Variants in CNTNAP2 observed in about 807,000 individuals in gnomAD.
The protein encoded by CNTNAP2 is contactin-associated protein-like 2.
Under a neutral mutation model 155.2 loss-of-function variants are expected in CNTNAP2, and 98 were observed. That is an observed-to-expected ratio of 0.63 (90% CI 0.54 to 0.75). CNTNAP2 has a LOEUF of 0.75. Among genes scored for constraint, CNTNAP2 ranks in the 30% least tolerant of loss-of-function variants. CNTNAP2 has a pLI of 0.00. For synonymous variants in CNTNAP2, 651 were observed against 631.2 expected (o/e 1.03, Z -0.47); for missense variants, 1,727 against 1,688.1 (o/e 1.02, Z -0.40).
chr7:147,294,203 A>G (rs1391603118), intron 8 of CNTNAP2, among the ~76,000 whole-genome samples: 1 of 152,148 alleles, frequency 6.6e-6, no homozygotes, highest in Non-Finnish European at 1.5e-5. Context: ...ATTATTTTAT[A>G]TTTTTACTAA....
At chr7:148,411,154 T>C (rs1181761042) in intron 23 of CNTNAP2, among the ~76,000 whole-genome samples, 1 of 152,226 alleles carries the variant, frequency 6.6e-6, no homozygotes, top group African/African-American at 2.4e-5. Context: ...TAGATCGATA[T>C]TGACATCCCT....
chr7:146,368,849 CATAT>C (rs34394597), intron 1 of CNTNAP2, among the ~76,000 whole-genome samples: 6 of 146,328 alleles, frequency 4.1e-5, no homozygotes, highest in African/African-American at 1.2e-4. Context: ...AAATTATATA[CATAT>C]ATATATATAT....
At chr7:148,295,586 G>A (rs192874017) in intron 21 of CNTNAP2, among the ~76,000 whole-genome samples, 3,550 of 139,752 alleles carry the variant, frequency 0.025, 242 homozygotes, top group African/African-American at 0.093. Context: ...CCGCCTCCCG[G>A]GTTCACCCCA....
intron 9 of CNTNAP2, among the ~76,000 whole-genome samples, chr7:147,336,933 G>A (rs1444808239): frequency 6.6e-6 from 1 of 151,962 alleles, no homozygotes; most frequent in Non-Finnish European, 1.5e-5. Flanking sequence ...TATAATTAAG[G>A]GCCATGTCTA....
At chr7:146,471,686 T>C (rs1796801271) in intron 1 of CNTNAP2, among the ~76,000 whole-genome samples, 1 of 152,256 alleles carries the variant, frequency 6.6e-6, no homozygotes. Flanking sequence ...TTTGAACTTC[T>C]CATGTAACAC....
intron 2 of CNTNAP2, among the ~76,000 whole-genome samples, chr7:146,822,367 T>C (rs1006894076): frequency 2.6e-5 from 4 of 151,916 alleles, no homozygotes; most frequent in Non-Finnish European, 5.9e-5. Context: ...ATATACCTAA[T>C]GCTAAATGAC....
intron 1 of CNTNAP2, among the ~76,000 whole-genome samples, chr7:146,508,276 G>A (rs1040152841): frequency 2.0e-5 from 3 of 152,168 alleles, no homozygotes; most frequent in African/African-American, 7.2e-5. Context: ...ATGTCCACCC[G>A]ATAATGGCTC....
chr7:146,608,634 A>G lies in CNTNAP2; in HGVS notation c.98-165637A>G, dbSNP rs536752541. 3.3e-5 allele frequency among the ~76,000 whole-genome samples: 5 copies of G among 152,266 alleles called. No homozygotes were observed. The East Asian group carries it at 7.7e-4, about 24-fold the overall frequency. ...CATTCAAAATAATTGATGTAAGTAT[A>G]AAGAATTGTCTTTTTGTGCTACTAA... On this transcript the variant is annotated intron_variant, in intron 1 of 23. Transcript: ENST00000361727.
intron 1 of CNTNAP2, among the ~76,000 whole-genome samples, chr7:146,703,183 A>T (rs1469184970): frequency 6.6e-6 from 1 of 152,168 alleles, no homozygotes; most frequent in Non-Finnish European, 1.5e-5. Context: ...CTTTGGTAAC[A>T]CTATTATTTT....
At chr7:146,224,923 C>T (rs1488030552) in intron 1 of CNTNAP2, among the ~76,000 whole-genome samples, 1 of 151,980 alleles carries the variant, frequency 6.6e-6, no homozygotes, top group Non-Finnish European at 1.5e-5. Context: ...AACAGAAATG[C>T]CCTTTGCAGT....
intron 3 of CNTNAP2, among the ~76,000 whole-genome samples, chr7:146,897,261 G>T (rs932100567): frequency 2.0e-5 from 3 of 152,034 alleles, no homozygotes; most frequent in African/African-American, 7.2e-5. Flanking sequence ...CATTTAAGTT[G>T]AGGTTCTCGA....
chr7:147,486,890 T>C (rs771782776), intron 11 of CNTNAP2, among the ~76,000 whole-genome samples: 1 of 9,062 alleles, frequency 1.1e-4, no homozygotes, highest in Non-Finnish European at 1.8e-4. Context: ...CGTATGTGCC[T>C]GTGTGTGTGT....
intron 18 of CNTNAP2, among the ~76,000 whole-genome samples, chr7:148,204,014 G>C (rs578067108): frequency 6.6e-6 from 1 of 152,330 alleles, no homozygotes; most frequent in South Asian, 2.1e-4. Flanking sequence ...TGAGGCCTCA[G>C]ATAACTTTAG....
chr7:146,387,787 A>G (rs1202669698), intron 1 of CNTNAP2, among the ~76,000 whole-genome samples: 1 of 151,750 alleles, frequency 6.6e-6, no homozygotes, highest in African/African-American at 2.4e-5. Context: ...AGGAGCCTCC[A>G]CCAGCTTCCT....
intron 13 of CNTNAP2, among the ~76,000 whole-genome samples, chr7:147,821,946 T>C (rs938956664): frequency 6.6e-6 from 1 of 151,862 alleles, no homozygotes; most frequent in Admixed American, 6.6e-5. Flanking sequence ...AAATAACAGA[T>C]TAAGAAGGGG....
chr7:147,692,207 A>G lies in CNTNAP2; in HGVS notation c.2098+52901A>G, dbSNP rs890478220. Among the ~76,000 whole-genome samples, 21 of 152,024 alleles carry G rather than the reference A, an allele frequency of 1.4e-4. No individual in the cohort carries two copies. In the East Asian group the frequency reaches 3.3e-3, roughly 24 times the overall value. On this transcript the variant is annotated intron_variant, in intron 13 of 23. Transcript: ENST00000361727. ...GCTCAATATCTCATTTCATTTTAGCATTGAGTAATTTGTCATTGCAATGTA... is the reference window on the plus strand; with the variant it reads ...GCTCAATATCTCATTTCATTTTAGCGTTGAGTAATTTGTCATTGCAATGTA...
intron 3 of CNTNAP2, among the ~76,000 whole-genome samples, chr7:146,919,267 C>A (rs1203434254): frequency 6.6e-6 from 1 of 152,060 alleles, no homozygotes; most frequent in East Asian, 1.9e-4. Context: ...CTTGTTTTTG[C>A]CATATTACCA....
intron 12 of CNTNAP2, among the ~76,000 whole-genome samples, chr7:147,614,932 C>T (rs1447357455): frequency 6.6e-6 from 1 of 151,086 alleles, no homozygotes; most frequent in Non-Finnish European, 1.5e-5. Flanking sequence ...AAGTATAAAC[C>T]AAACTTGAAT....
intron 11 of CNTNAP2, among the ~76,000 whole-genome samples, chr7:147,489,450 A>G (rs1798567553): frequency 6.6e-6 from 1 of 152,230 alleles, no homozygotes; most frequent in South Asian, 2.1e-4. Flanking sequence ...TTAAACTTGA[A>G]AAAATTTTCT....
Sources: gnomAD v4.1 joint callset for allele counts (sites outside exome capture counted in the v4.1 genomes callset) on GRCh38, gnomAD v4.1.1 for gene constraint, MANE v1.5 for transcripts, NCBI Gene and HGNC (gene_info 2026-07-23, HGNC 2026-07-21) for gene names.